ZCCHC8: variants seen among roughly 807,000 people sequenced by gnomAD.
ZCCHC8 encodes zinc finger CCHC domain-containing protein 8.
ZCCHC8 carries 27 observed loss-of-function variants against 70.6 expected under a neutral mutation model. That is an observed-to-expected ratio of 0.38 (90% CI 0.28 to 0.53). The LOEUF is 0.53. Ranked by LOEUF, ZCCHC8 falls within the 20% of genes least tolerant of loss-of-function variation. ZCCHC8 has a pLI of 0.81. For synonymous variants in ZCCHC8, 293 were observed against 317.4 expected, an observed-to-expected ratio of 0.92 and a Z score of 0.82; for missense variants, 737 against 876.9, an observed-to-expected ratio of 0.84 and a Z score of 2.01.
Position 122,474,055 on chromosome 12 carries a change from T to C in ZCCHC8, c.1566A>G (p.Glu522=). 1 of 1,524,790 alleles carries C rather than the reference T, an allele frequency of 6.6e-7. No individual in the cohort carries two copies. The highest frequency in any genetic ancestry group is 8.8e-7 in the Non-Finnish European group (1 of 1,139,184). 94.5% of individuals were successfully genotyped at this position (1,524,790 alleles called of 1,614,324 possible). A position where few individuals can be genotyped will look rare whatever the true frequency, so the allele number is the denominator to read the frequency against. Residue 522 remains glutamate, a synonymous_variant, in exon 14 of 14, where the codon GAA becomes GAG. Transcript: ENST00000633063. ...EDALTLEELE[E]QQRRIWAALE... ...GAGCTGCCCAGATCCGCCTCTGCTG[T>C]TCTTCAAGTTCTTCTAGAGTCAGTG...
At chr12:122,490,312 A>G in intron 4 of ZCCHC8, 150 bp downstream of exon 4, 1 of 626,582 alleles carries the variant, frequency 1.6e-6, no homozygotes, top group Non-Finnish European at 2.8e-6. Flanking sequence ...TGGCTAAACC[A>G]GTCAGGCTTC....
chr12:122,476,791 G>A (rs964463615), intron 13 of ZCCHC8, among the ~76,000 whole-genome samples: 1 of 152,114 alleles, frequency 6.6e-6, no homozygotes, highest in Non-Finnish European at 1.5e-5. Context: ...GGGAGGTGGA[G>A]GCGGGCAGAT....
intron 5 of ZCCHC8, 41 bp downstream of exon 5, chr12:122,489,345 C>T (rs1225236944): frequency 6.3e-7 from 1 of 1,586,524 alleles, no homozygotes; most frequent in Non-Finnish European, 8.6e-7. Flanking sequence ...GGATAGGAAA[C>T]ACCTATTGGC....
intron 11 of ZCCHC8, 176 bp from the exon 12 acceptor site, chr12:122,478,468 C>T: frequency 1.7e-6 from 1 of 574,970 alleles, no homozygotes; most frequent in East Asian, 2.9e-5. Context: ...CTAAACTTGC[C>T]TGCAAAATAA....
intron 3 of ZCCHC8, 115 bp downstream of exon 3, chr12:122,492,600 G>T: frequency 1.4e-6 from 1 of 721,444 alleles, no homozygotes; most frequent in Non-Finnish European, 2.3e-6. Flanking sequence ...AACTCCAGGG[G>T]CATTTTAAGT....
chr12:122,492,844 C>T (rs967234342), intron 2 of ZCCHC8, 55 bp from the exon 3 acceptor site: 14 of 1,172,978 alleles, frequency 1.2e-5, no homozygotes, highest in Middle Eastern at 1.9e-4. Flanking sequence ...AACTTGCATA[C>T]GTATATATAA....
chr12:122,482,990 C>T (rs554103602), intron 7 of ZCCHC8: 45 of 517,030 alleles, frequency 8.7e-5, no homozygotes, highest in Middle Eastern at 5.1e-4. Flanking sequence ...ATCATATTTC[C>T]GTTAGGTAAC....
chr12:122,479,005 C>T (rs1025609831), intron 11 of ZCCHC8, among the ~76,000 whole-genome samples: 3 of 152,208 alleles, frequency 2.0e-5, no homozygotes, highest in Non-Finnish European at 4.4e-5. Flanking sequence ...TATCTGCTCA[C>T]TAGACTCTAA....
At chr12:122,488,802 C>T (rs1446257495) in intron 5 of ZCCHC8, among the ~76,000 whole-genome samples, 5 of 147,826 alleles carry the variant, frequency 3.4e-5, no homozygotes, top group Admixed American at 1.4e-4. Context: ...ACCCGGGAGG[C>T]GGAGGTTGCA....
rs1468357726 is a variant in ZCCHC8, at chr12:122,471,683, C to T, written c.*1814G>A. On this transcript the variant is annotated 3_prime_UTR_variant, in exon 14 of 14. Coordinates refer to ENST00000633063, the MANE Select transcript of ZCCHC8 (RefSeq NM_017612.5). ...TTTAAATTTTATTCTATTTCTAGCA[C>T]ATTCTGTGAGGGCTTTAAAAAGAAA... is the stretch of plus-strand genomic sequence containing the variant. 1.3e-5 allele frequency: 2 copies of T among 152,214 alleles called. No homozygotes were observed. Among genetic ancestry groups the T allele is most frequent in the Non-Finnish European group, 2.9e-5 (2 of 68,040 alleles). The allele number at this position is 152,214 out of a possible 1,614,324, so 9.4% of individuals were successfully genotyped here.
At chr12:122,479,163 C>T (rs1179079784) in intron 11 of ZCCHC8, among the ~76,000 whole-genome samples, 1 of 152,246 alleles carries the variant, frequency 6.6e-6, no homozygotes, top group African/African-American at 2.4e-5. Flanking sequence ...GCAACCTCCA[C>T]CTCCTTGGTT....
At chr12:122,477,637 A>G (rs958102010) in intron 13 of ZCCHC8, among the ~76,000 whole-genome samples, 1 of 149,438 alleles carries the variant, frequency 6.7e-6, no homozygotes, top group Non-Finnish European at 1.5e-5. Flanking sequence ...AAAAAAGTAC[A>G]AAAATTAGCT....
In ZCCHC8 at chr12:122,500,651, G is replaced by T. The variant is rs747147354; in HGVS notation, c.190C>A (p.Arg64Ser). 10 of 1,573,162 alleles carry T rather than the reference G, an allele frequency of 6.4e-6. No homozygotes were observed. Residue 64 changes from arginine (R) to serine (S), a missense_variant, in exon 1 of 14, where the codon CGC (arginine) becomes AGC (serine). By Grantham distance (110) the Arg-to-Ser change is moderately radical. Transcript: ENST00000633063. The surrounding 1 kb of genome is among the most constrained non-coding windows in gnomAD (Gnocchi z 4.8). The part of the protein sequence containing the change: ...RQCEETIEQL[R>S]AENQELKRKL... ...CGAGAGGAAAGGATATTCTCGGCGC[G>T]GAGCTGCTCGATGGTCTCCTCGCAC... is the stretch of plus-strand genomic sequence containing the variant.
Position 122,500,688 on chromosome 12 carries a change from C to G in ZCCHC8, c.153G>C (p.Glu51Asp). ...ENGVGDAELRERLRQCEETIE... is the reference protein window; with the variant it reads ...ENGVGDAELRDRLRQCEETIE... ...TGGTCTCCTCGCACTGCCGAAGCCG[C>G]TCCCGTAGCTCCGCGTCGCCGACCC... The change falls in exon 1 of 14, where the codon GAG becomes GAC. Residue 51 changes from glutamate to aspartate, a missense_variant. Transcript: ENST00000633063. The surrounding 1 kb of genome is among the most constrained non-coding windows in gnomAD (Gnocchi z 4.8). 6.3e-7 allele frequency: 1 copy of G among 1,582,042 alleles called. No individual in the cohort carries two copies. Among genetic ancestry groups the G allele is most frequent in the East Asian group, 2.3e-5 (1 of 43,014 alleles).
At chr12:122,495,472 CAG>C (rs1446527046) in intron 2 of ZCCHC8, among the ~76,000 whole-genome samples, 3 of 152,154 alleles carry the variant, frequency 2.0e-5, no homozygotes, top group Admixed American at 2.0e-4. Flanking sequence ...GCCTGGGCAA[CAG>C]AGTGAGACTC....
chr12:122,474,381 A>G, intron 13 of ZCCHC8, 106 bp from the exon 14 acceptor site: 1 of 1,062,504 alleles, frequency 9.4e-7, no homozygotes. Context: ...ATGGCCAAAA[A>G]TAACTGGCTT....
rs1957909472 is a variant in ZCCHC8, at chr12:122,500,585, C to T, written c.199+57G>A. 6.7e-7 allele frequency: 1 copy of T among 1,503,628 alleles called. No homozygotes were observed. The highest frequency in any genetic ancestry group is 8.9e-7 in the Non-Finnish European group (1 of 1,126,758). The allele number at this position is 1,503,628 out of a possible 1,614,324, so 93.1% of individuals were successfully genotyped here. ...GCCCGGCGCTGCCCCGGCCCCACGCCTGGCGCTGCCCCGGCCCCACACCCG... is the reference window on the plus strand; with the variant it reads ...GCCCGGCGCTGCCCCGGCCCCACGCTTGGCGCTGCCCCGGCCCCACACCCG... On this transcript the variant is annotated intron_variant, in intron 1 of 13. Coordinates refer to ENST00000633063, the MANE Select transcript of ZCCHC8 (RefSeq NM_017612.5). This position sits in a 1 kb window ranked among gnomAD's most constrained non-coding sequence, Gnocchi z 4.8.
intron 3 of ZCCHC8, 79 bp from the exon 4 acceptor site, chr12:122,490,646 G>C (rs1039625416): frequency 1.3e-6 from 1 of 770,084 alleles, no homozygotes; most frequent in African/African-American, 1.8e-5. Context: ...ATTACTGTAA[G>C]ATTTCAAGTG....
At chr12:122,495,578 G>A (rs1044138073) in intron 2 of ZCCHC8, among the ~76,000 whole-genome samples, 1 of 152,098 alleles carries the variant, frequency 6.6e-6, no homozygotes, top group African/African-American at 2.4e-5. Flanking sequence ...GCCTGGGCAC[G>A]ATGGCTCATG....
Sources: allele counts gnomAD v4.1 joint callset (sites outside exome capture counted in the v4.1 genomes callset), GRCh38; gene constraint gnomAD v4.1.1; non-coding constraint Gnocchi (gnomAD v3.1); transcripts MANE v1.5; gene names NCBI Gene and HGNC (gene_info 2026-07-23, HGNC 2026-07-21).